Variants in CRYZL1 observed in about 807,000 individuals in gnomAD.
CRYZL1 encodes the protein crystallin zeta like 1.
A neutral mutation model predicts 50.6 loss-of-function variants in CRYZL1; 34 were observed. The observed-to-expected ratio is 0.67, with a 90% CI of 0.51 to 0.89. CRYZL1 has a LOEUF of 0.89. Among genes scored for constraint, CRYZL1 ranks in the 40% least tolerant of loss-of-function variants. The pLI, the probability that CRYZL1 is intolerant of heterozygous loss-of-function variation, is 0.00. For missense variants in CRYZL1, 354 were observed against 402.3 expected (o/e 0.88, Z 1.03); for synonymous variants, 125 against 134.3 (o/e 0.93, Z 0.48).
chr21:33,607,563 T>C (rs1253716730), intron 6 of CRYZL1, among the ~76,000 whole-genome samples: 1 of 152,048 alleles, frequency 6.6e-6, no homozygotes, highest in Non-Finnish European at 1.5e-5. Flanking sequence ...ACCCAGGAGT[T>C]TGAGGCTGCA....
At position 33,592,819 on chromosome 21, in the gene CRYZL1, T is replaced by C. The variant is rs150271795; in HGVS notation, c.905-1612A>G. ...GTAATCCCAGCATTTTGGGAGGCTG[T>C]AGCAGGTGGATCACCTGAGGTCAAG... On this transcript the variant is annotated intron_variant, in intron 11 of 12. Coordinates refer to ENST00000381554, the MANE Select transcript of CRYZL1 (RefSeq NM_145858.3). Among the ~76,000 whole-genome samples the C allele has an allele frequency of 7.5e-3, 1,146 of 152,118 alleles. 6 individuals carry two copies. The highest frequency in any genetic ancestry group is 0.011 in the Non-Finnish European group (741 of 67,964).
intron 6 of CRYZL1, among the ~76,000 whole-genome samples, chr21:33,609,601 T>G (rs2086848602): frequency 6.7e-6 from 1 of 149,170 alleles, no homozygotes; most frequent in Admixed American, 6.7e-5. Flanking sequence ...TGTGAGCTAC[T>G]GTGCTTGGCC....
In CRYZL1 at chr21:33,589,455, C is replaced by G. The variant is rs1244127216; in HGVS notation, c.*367G>C. ...GAACGGAGTTGATACAAAATTAATACGTTACTTTGATAGCTTAGCAAAGGC... is the reference window on the plus strand; with the variant it reads ...GAACGGAGTTGATACAAAATTAATAGGTTACTTTGATAGCTTAGCAAAGGC... On this transcript the variant is annotated 3_prime_UTR_variant, in exon 13 of 13. Transcript: ENST00000381554. The G allele has an allele frequency of 2.9e-6, 1 of 341,554 alleles. No individual in the cohort carries two copies. The highest frequency in any genetic ancestry group is 2.1e-5 in the African/African-American group (1 of 47,116). 21.2% of individuals were successfully genotyped at this position (341,554 alleles called of 1,614,324 possible).
intron 11 of CRYZL1, among the ~76,000 whole-genome samples, chr21:33,593,051 C>CAA (rs766943166): frequency 8.5e-5 from 8 of 93,948 alleles, no homozygotes; most frequent in South Asian, 3.3e-4. Flanking sequence ...GACTCTATCT[C>CAA]AAAAAAAAAA....
At chr21:33,609,696 C>CTCTTT (rs1236081189) in intron 6 of CRYZL1, among the ~76,000 whole-genome samples, 2 of 151,344 alleles carry the variant, frequency 1.3e-5, no homozygotes, top group African/African-American at 4.9e-5. Flanking sequence ...TCCTTCTCTT[C>CTCTTT]TCTTTTCTTT....
At chr21:33,624,565 C>CA in intron 3 of CRYZL1, 118 bp downstream of exon 3, 1 of 1,473,894 alleles carries the variant, frequency 6.8e-7, no homozygotes, top group South Asian at 1.3e-5. Context: ...AAAAAATTAA[C>CA]AAAAATGAAG....
At chr21:33,601,574 T>C (rs751423291) in intron 8 of CRYZL1, among the ~76,000 whole-genome samples, 5 of 152,090 alleles carry the variant, frequency 3.3e-5, no homozygotes, top group Non-Finnish European at 5.9e-5. Context: ...GGAAAAAACA[T>C]TGAAAAATGT....
At position 33,637,467 on chromosome 21, in the gene CRYZL1, C is replaced by T. The variant is rs992899030; in HGVS notation, c.-7+4214G>A. 3.3e-5 allele frequency among the ~76,000 whole-genome samples: 5 copies of T among 150,486 alleles called. No individual in the cohort carries two copies. In the South Asian group the frequency reaches 1.1e-3, roughly 32 times the overall value. On this transcript the variant is annotated intron_variant, in intron 1 of 12. Coordinates refer to ENST00000381554, the MANE Select transcript of CRYZL1 (RefSeq NM_145858.3). ...CTCAAAAAAAAAAAAAAAAAGAGTA[C>T]CTTAGATCCATCCCATCACCTTCAC...
At chr21:33,594,049 ATGTTACTTTTGTTAAC>A (rs1342790622) in intron 11 of CRYZL1, among the ~76,000 whole-genome samples, 1 of 150,478 alleles carries the variant, frequency 6.6e-6, no homozygotes, top group Admixed American at 6.6e-5. Flanking sequence ...ACCTTAACTA[ATGTTACTTTTGTTAAC>A]TGTTACTTTT....
At chr21:33,601,819 A>T (rs1021432747) in intron 8 of CRYZL1, among the ~76,000 whole-genome samples, 24 of 150,296 alleles carry the variant, frequency 1.6e-4, no homozygotes, top group African/African-American at 5.9e-4. Flanking sequence ...CAGGTGGCTG[A>T]GGTGGGAGGA....
rs558088401 is a variant in CRYZL1 at position 33,629,510 on chromosome 21, G to A, written c.66+1976C>T. Reference sequence around the variant, plus strand: ...ACTCTTGAGCTCAGGCAATCCACCCGCCTTGGCCTCCCAAAGTGCTGGGAT... The same window carrying A: ...ACTCTTGAGCTCAGGCAATCCACCCACCTTGGCCTCCCAAAGTGCTGGGAT... On this transcript the variant is annotated intron_variant, in intron 2 of 12. Coordinates refer to ENST00000381554, the MANE Select transcript of CRYZL1 (RefSeq NM_145858.3). Among the ~76,000 whole-genome samples, 12 of 152,254 alleles carry A rather than the reference G, an allele frequency of 7.9e-5. No individual in the cohort carries two copies. The South Asian group carries it at 1.9e-3, about 24-fold the overall frequency.
At chr21:33,593,051 C>CAAAAA (rs766943166) in intron 11 of CRYZL1, among the ~76,000 whole-genome samples, 1 of 93,950 alleles carries the variant, frequency 1.1e-5, no homozygotes, top group Non-Finnish European at 2.2e-5. Flanking sequence ...GACTCTATCT[C>CAAAAA]AAAAAAAAAA....
intron 4 of CRYZL1, 80 bp downstream of exon 4, chr21:33,621,916 T>G: frequency 1.2e-6 from 1 of 833,204 alleles, no homozygotes; most frequent in Non-Finnish European, 1.9e-6. Context: ...TATAATTTTA[T>G]GTACCAGTAA....
chr21:33,605,077 A>G (rs1172620062), intron 6 of CRYZL1, among the ~76,000 whole-genome samples: 1 of 152,206 alleles, frequency 6.6e-6, no homozygotes, highest in Non-Finnish European at 1.5e-5. Flanking sequence ...GACTACTAAA[A>G]GAGGTTGAGC....
At chr21:33,630,677 A>C (rs1443321515) in intron 2 of CRYZL1, among the ~76,000 whole-genome samples, 1 of 152,186 alleles carries the variant, frequency 6.6e-6, no homozygotes, top group Non-Finnish European at 1.5e-5. Flanking sequence ...CAATATGTCA[A>C]AGTGATATCT....
intron 1 of CRYZL1, among the ~76,000 whole-genome samples, chr21:33,637,613 T>C (rs1296680545): frequency 6.6e-6 from 1 of 151,834 alleles, no homozygotes; most frequent in Non-Finnish European, 1.5e-5. Flanking sequence ...ACTCCTCTTC[T>C]TACATGCTCA....
chr21:33,596,553 G>A (rs535694855), intron 10 of CRYZL1, among the ~76,000 whole-genome samples: 7 of 152,082 alleles, frequency 4.6e-5, no homozygotes, highest in African/African-American at 1.4e-4. Flanking sequence ...CAGGAGAATC[G>A]CTTGAACCTG....
At chr21:33,612,400 C>T (rs1373687474) in intron 6 of CRYZL1, among the ~76,000 whole-genome samples, 1 of 151,944 alleles carries the variant, frequency 6.6e-6, no homozygotes, top group Non-Finnish European at 1.5e-5. Flanking sequence ...GATTCTCCTG[C>T]CTCAGCCTCC....
Position 33,616,381 on chromosome 21 carries a change from C to T in CRYZL1, c.262+325G>A, listed in dbSNP as rs1321351274. On this transcript the variant is annotated intron_variant, in intron 5 of 12. Transcript: ENST00000381554. ...GATCTCGGCTCACCACAACCTCTGC[C>T]TCCTGGGTTTAAGCAATTTTCCTGC... is the stretch of plus-strand genomic sequence containing the variant. 4.5e-5 allele frequency: 9 copies of T among 199,362 alleles called. 1 individual carries two copies. Among genetic ancestry groups the T allele is most frequent in the South Asian group, 3.2e-4 (4 of 12,466 alleles). The allele number at this position is 199,362 out of a possible 1,614,324, so 12.3% of individuals were successfully genotyped here.
Sources: allele counts gnomAD v4.1 joint callset (sites outside exome capture counted in the v4.1 genomes callset), GRCh38; gene constraint gnomAD v4.1.1; transcripts MANE v1.5; gene names NCBI Gene and HGNC (gene_info 2026-07-23, HGNC 2026-07-21).